The following SESN1 variants were observed in gnomAD, a reference collection of about 807,000 sequenced individuals.
SESN1 encodes the protein sestrin-1.
A neutral mutation model predicts 59.3 loss-of-function variants in SESN1; 30 were observed. The ratio of observed to expected loss-of-function variants is 0.51; its 90% confidence interval spans 0.38 to 0.69. SESN1 has a LOEUF of 0.69. Among genes scored for constraint, SESN1 ranks in the 30% least tolerant of loss-of-function variants. The probability of loss-of-function intolerance (pLI) is 0.00; values close to 1 mark genes in which losing one functional copy is unlikely to be tolerated. For missense variants in SESN1, 566 were observed against 673.0 expected (o/e 0.84, Z 1.76); for synonymous variants, 197 against 219.9 (o/e 0.90, Z 0.92).
At chr6:109,061,479 C>G (rs1780731315) in intron 1 of SESN1, among the ~76,000 whole-genome samples, 1 of 152,146 alleles carries the variant, frequency 6.6e-6, no homozygotes, top group Non-Finnish European at 1.5e-5. Flanking sequence ...TTGGGATATG[C>G]AATAAACTTG....
rs922598731 is a variant in SESN1 at position 108,984,852 on chromosome 6, CT to C, written c.*2691del. The stretch of plus-strand genomic sequence containing the variant: ...AGCAAAATCCACAAACTTTCCTAGC[CT>C]TTTGGTGCGGCCTTTTCCTGGCTTT... On this transcript the variant is annotated 3_prime_UTR_variant, in exon 10 of 10. Transcript: ENST00000436639. Among the ~76,000 whole-genome samples the C allele has an allele frequency of 1.4e-4, 22 of 152,222 alleles. No homozygotes were observed. The highest frequency in any genetic ancestry group is 3.1e-4 in the Non-Finnish European group (21 of 68,016).
At chr6:109,012,747 G>A (rs1779880580) in intron 1 of SESN1, among the ~76,000 whole-genome samples, 1 of 151,454 alleles carries the variant, frequency 6.6e-6, no homozygotes, top group South Asian at 2.1e-4. Context: ...TGATCCATTA[G>A]GGAAGCAGAA....
At chr6:109,092,756 A>G (rs1562479256) in intron 1 of SESN1, among the ~76,000 whole-genome samples, 2 of 152,192 alleles carry the variant, frequency 1.3e-5, no homozygotes, top group Non-Finnish European at 2.9e-5. Flanking sequence ...TACCTAGTAT[A>G]TTAATTCCTC....
intron 1 of SESN1, among the ~76,000 whole-genome samples, chr6:109,085,190 TCATAC>T (rs1364804097): frequency 6.6e-6 from 1 of 151,742 alleles, no homozygotes; most frequent in African/African-American, 2.4e-5. Flanking sequence ...GCTAAGGATT[TCATAC>T]CTAAATTTCT....
At chr6:109,046,452 G>A (rs1321127385) in intron 1 of SESN1, among the ~76,000 whole-genome samples, 2 of 149,318 alleles carry the variant, frequency 1.3e-5, no homozygotes, top group Admixed American at 1.3e-4. Context: ...CCTCCCAGCC[G>A]CCTGCCTTGG....
At chr6:109,089,859 G>A (rs1674609913) in intron 1 of SESN1, among the ~76,000 whole-genome samples, 2 of 151,954 alleles carry the variant, frequency 1.3e-5, no homozygotes, top group Admixed American at 1.3e-4. Flanking sequence ...TATCACTTTT[G>A]TCATAGGCTA....
intron 5 of SESN1, among the ~76,000 whole-genome samples, chr6:108,995,260 T>C (rs2114283103): frequency 6.6e-6 from 1 of 152,362 alleles, no homozygotes; most frequent in East Asian, 1.9e-4. Flanking sequence ...TTGCTTAATC[T>C]TTAAATAAAT....
chr6:109,008,870 C>T (rs1390001998), intron 1 of SESN1: 1 of 985,798 alleles, frequency 1.0e-6, no homozygotes, highest in Non-Finnish European at 1.2e-6. Context: ...TTCCCTGAGT[C>T]AAATGTGTTT....
In SESN1 at chr6:108,992,672, G is replaced by A. The variant is rs1025991765; in HGVS notation, c.1233+115C>T. 23 of 704,758 alleles carry A rather than the reference G, an allele frequency of 3.3e-5. 1 individual carries two copies. The highest frequency in any genetic ancestry group is 5.4e-5 in the East Asian group (2 of 37,124). The allele number at this position is 704,758 out of a possible 1,614,324, so 43.7% of individuals were successfully genotyped here. Reference sequence around the variant, plus strand: ...TTCACCTTTTATTCTGAAACAAGACGAGATACTGCCTGCAAAGCACTTAGC... The same window carrying A: ...TTCACCTTTTATTCTGAAACAAGACAAGATACTGCCTGCAAAGCACTTAGC... On this transcript the variant is annotated intron_variant, in intron 7 of 9. Transcript: ENST00000436639.
Position 109,093,656 on chromosome 6 carries a change from C to T in SESN1, c.279+139G>A, listed in dbSNP as rs1781384868. 3 of 836,788 alleles carry T rather than the reference C, an allele frequency of 3.6e-6. No individual in the cohort carries two copies. In the South Asian group the frequency reaches 5.9e-5, roughly 16 times the overall value. The allele number at this position is 836,788 out of a possible 1,614,324, so 51.8% of individuals were successfully genotyped here. A position where few individuals can be genotyped will look rare whatever the true frequency, so the allele number is the denominator to read the frequency against. On this transcript the variant is annotated intron_variant, in intron 1 of 9. Transcript: ENST00000436639. ...ACTCTAGAAAAACACTACTTGTTTA[C>T]TTACAGAACACTCTAAAGATGTAAA...
chr6:108,997,199 A>G (rs1226547621), intron 5 of SESN1, among the ~76,000 whole-genome samples: 1 of 152,224 alleles, frequency 6.6e-6, no homozygotes, highest in African/African-American at 2.4e-5. Context: ...TAGGAAGCTT[A>G]TTAGAGAAAT....
In SESN1 at chr6:109,040,714, G is replaced by A. The variant is rs11759196; in HGVS notation, c.280-38371C>T. Among the ~76,000 whole-genome samples, 1,496 of 150,432 alleles carry A rather than the reference G, an allele frequency of 9.9e-3. 23 individuals are homozygous for A. The highest frequency in any genetic ancestry group is 0.028 in the African/African-American group (1,146 of 40,808). ...GTCGCCCAGGCTGGAGTGCAGTGGCGCAATCTCATCTCACTGCAAGCTCTG... is the reference window on the plus strand; with the variant it reads ...GTCGCCCAGGCTGGAGTGCAGTGGCACAATCTCATCTCACTGCAAGCTCTG... On this transcript the variant is annotated intron_variant, in intron 1 of 9. Transcript: ENST00000436639.
chr6:109,079,688 G>A (rs1035883289), intron 1 of SESN1, among the ~76,000 whole-genome samples: 25 of 152,160 alleles, frequency 1.6e-4, no homozygotes, highest in African/African-American at 5.6e-4. Context: ...TATAACTTAG[G>A]TGAGTTTGCT....
At chr6:109,073,211 G>A (rs568837973) in intron 1 of SESN1, among the ~76,000 whole-genome samples, 2 of 151,730 alleles carry the variant, frequency 1.3e-5, no homozygotes, top group South Asian at 4.1e-4. Flanking sequence ...AGTGGCACCT[G>A]CAAAAAAAAA....
chr6:109,022,972 A>C (rs1780035827), intron 1 of SESN1, among the ~76,000 whole-genome samples: 1 of 151,954 alleles, frequency 6.6e-6, no homozygotes, highest in African/African-American at 2.4e-5. Flanking sequence ...AGGGACCCTA[A>C]CTCCTACCAT....
chr6:109,037,898 G>A (rs950928367), intron 1 of SESN1, among the ~76,000 whole-genome samples: 1 of 151,262 alleles, frequency 6.6e-6, no homozygotes, highest in Non-Finnish European at 1.5e-5. Flanking sequence ...GTTCAACGAT[G>A]CCTATAATTC....
In SESN1 at chr6:109,009,850, G is replaced by C. The variant is rs79711771; in HGVS notation, c.280-7507C>G. On this transcript the variant is annotated intron_variant, in intron 1 of 9. Transcript: ENST00000436639. The stretch of plus-strand genomic sequence containing the variant: ...CGAGTCTTCGGGCTTCAGGGACAGG[G>C]GAATCTGCCCCCTACACCCCTGCTC... 3.4e-3 allele frequency among the ~76,000 whole-genome samples: 524 copies of C among 152,180 alleles called. 2 individuals carry two copies. Among genetic ancestry groups the C allele is most frequent in the African/African-American group, 0.012 (485 of 41,556 alleles).
At chr6:109,018,333 C>T (rs768665769) in intron 1 of SESN1, among the ~76,000 whole-genome samples, 4 of 152,192 alleles carry the variant, frequency 2.6e-5, no homozygotes, top group African/African-American at 4.8e-5. Flanking sequence ...TGTGTGAGCA[C>T]ATTTGAACAT....
chr6:109,034,516 T>C (rs1268635503), intron 1 of SESN1, among the ~76,000 whole-genome samples: 6 of 152,216 alleles, frequency 3.9e-5, no homozygotes, highest in Non-Finnish European at 1.5e-5. Context: ...TAGAAATGTG[T>C]AGTTTCCCTA....
Sources: allele counts gnomAD v4.1 joint callset (sites outside exome capture counted in the v4.1 genomes callset), GRCh38; gene constraint gnomAD v4.1.1; transcripts MANE v1.5; gene names NCBI Gene and HGNC (gene_info 2026-07-23, HGNC 2026-07-21).